CACNA1E: variants seen among roughly 807,000 people sequenced by gnomAD.
The protein encoded by CACNA1E is voltage-dependent R-type calcium channel subunit alpha-1E.
A neutral mutation model predicts 259.2 loss-of-function variants in CACNA1E; 40 were observed. The ratio of observed to expected loss-of-function variants is 0.15; its 90% CI spans 0.12 to 0.20. The LOEUF is 0.20. CACNA1E is among the 10% of genes least tolerant of loss of function. The pLI is 1.00. For synonymous variants in CACNA1E, 1,104 were observed against 1,138.5 expected (o/e 0.97, Z 0.61); for missense variants, 1,874 against 3,040.1 (o/e 0.62, Z 9.02).
At chr1:181,654,410 G>A (rs1659021265) in intron 7 of CACNA1E, among the ~76,000 whole-genome samples, 2 of 152,072 alleles carry the variant, frequency 1.3e-5, no homozygotes, top group Admixed American at 6.5e-5. Flanking sequence ...TCTATAAAAA[G>A]AACAGAGACA....
At chr1:181,623,111 A>T (rs141123785) in intron 6 of CACNA1E, among the ~76,000 whole-genome samples, 59 of 152,316 alleles carry the variant, frequency 3.9e-4, no homozygotes, top group Middle Eastern at 3.4e-3. Context: ...CATTCAACAA[A>T]CATTCCCCAA....
At chr1:181,465,715 C>G (rs1001019894) in intron 2 of CACNA1E, among the ~76,000 whole-genome samples, 1 of 151,836 alleles carries the variant, frequency 6.6e-6, no homozygotes, top group Non-Finnish European at 1.5e-5. Context: ...TCATTGCATT[C>G]TATTATTTTA....
intron 6 of CACNA1E, among the ~76,000 whole-genome samples, chr1:181,591,335 C>A (rs1179575811): frequency 6.6e-6 from 1 of 152,198 alleles, no homozygotes; most frequent in African/African-American, 2.4e-5. Context: ...CAGGCCCCAG[C>A]TTGTTTGCTT....
intron 2 of CACNA1E, among the ~76,000 whole-genome samples, chr1:181,415,061 C>T (rs1480693420): frequency 1.3e-5 from 2 of 152,176 alleles, no homozygotes; most frequent in Non-Finnish European, 2.9e-5. Context: ...CCTTTAAATA[C>T]AATGCAGCTC....
At chr1:181,613,632 G>A (rs1218691996) in intron 6 of CACNA1E, among the ~76,000 whole-genome samples, 1 of 152,154 alleles carries the variant, frequency 6.6e-6, no homozygotes, top group Non-Finnish European at 1.5e-5. Context: ...AGGCTTGGGG[G>A]TTAGCAACTT....
chr1:181,612,330 T>G (rs1654824891), intron 6 of CACNA1E, among the ~76,000 whole-genome samples: 1 of 152,238 alleles, frequency 6.6e-6, no homozygotes, highest in South Asian at 2.1e-4. Context: ...CATCTTCCAA[T>G]CACAAATTGA....
chr1:181,701,490 C>G lies in CACNA1E; in HGVS notation c.1056-9464C>G, dbSNP rs3766993. ...TGAAATATTGTGACTGAAACATACACTGTTATATGCAGAGACAGAGAGAAA... is the reference window on the plus strand; with the variant it reads ...TGAAATATTGTGACTGAAACATACAGTGTTATATGCAGAGACAGAGAGAAA... On this transcript the variant is annotated intron_variant, in intron 7 of 47. Coordinates refer to ENST00000367573, the MANE Select transcript of CACNA1E (RefSeq NM_001205293.3). 1.7e-3 allele frequency among the ~76,000 whole-genome samples: 261 copies of G among 152,266 alleles called. 3 individuals are homozygous for G. The East Asian group carries it at 0.038, about 22-fold the overall frequency.
At chr1:181,370,049 T>A (rs982597817) in intron 1 of CACNA1E, among the ~76,000 whole-genome samples, 11 of 152,038 alleles carry the variant, frequency 7.2e-5, no homozygotes, top group Non-Finnish European at 1.5e-4. Context: ...AGTTGAGAAT[T>A]TTAATTTTTC....
At chr1:181,656,587 A>G (rs1226740378) in intron 7 of CACNA1E, among the ~76,000 whole-genome samples, 1 of 152,192 alleles carries the variant, frequency 6.6e-6, no homozygotes, top group Non-Finnish European at 1.5e-5. Context: ...ATTTATTGAA[A>G]TAAAAATGTT....
intron 1 of CACNA1E, among the ~76,000 whole-genome samples, chr1:181,338,245 C>G (rs1472123246): frequency 3.3e-5 from 5 of 152,138 alleles, no homozygotes; most frequent in Non-Finnish European, 7.4e-5. Flanking sequence ...GCCACTATAC[C>G]TGGCTAATTT....
rs1013019202 is a variant in CACNA1E at position 181,802,129 on chromosome 1, A to T, written c.*3295A>T. 2 of 152,238 alleles carry T rather than the reference A, an allele frequency of 1.3e-5. No individual in the cohort carries two copies. Among genetic ancestry groups the T allele is most frequent in the Non-Finnish European group, 2.9e-5 (2 of 68,036 alleles). The allele number at this position is 152,238 out of a possible 1,614,324, so 9.4% of individuals were successfully genotyped here. ...GGTGCCCCTGAGCCAGGGTCAACAT[A>T]GAATTTCCTGCCCCGTGAAGGGCTG... is the stretch of plus-strand genomic sequence containing the variant. On this transcript the variant is annotated 3_prime_UTR_variant, in exon 48 of 48. Transcript: ENST00000367573.
At chr1:181,651,000 C>T (rs960332926) in intron 6 of CACNA1E, among the ~76,000 whole-genome samples, 1 of 152,204 alleles carries the variant, frequency 6.6e-6, no homozygotes, top group African/African-American at 2.4e-5. Context: ...TGTGCAGAGG[C>T]TTAGAACCCA....
chr1:181,448,487 T>G (rs1660940510), intron 2 of CACNA1E, among the ~76,000 whole-genome samples: 2 of 152,202 alleles, frequency 1.3e-5, no homozygotes, highest in African/African-American at 4.8e-5. Context: ...CACATCATAT[T>G]TTTTCTCCTG....
chr1:181,656,221 G>T (rs1659194995), intron 7 of CACNA1E, among the ~76,000 whole-genome samples: 1 of 152,072 alleles, frequency 6.6e-6, no homozygotes, highest in Non-Finnish European at 1.5e-5. Context: ...TCCTCAGGAG[G>T]TATTCCAGAG....
At chr1:181,644,197 G>A (rs1316163047) in intron 6 of CACNA1E, among the ~76,000 whole-genome samples, 1 of 151,762 alleles carries the variant, frequency 6.6e-6, no homozygotes, top group East Asian at 1.9e-4. Context: ...AATAGTATGG[G>A]TAGGATTGCT....
intron 1 of CACNA1E, among the ~76,000 whole-genome samples, chr1:181,334,136 C>G (rs1169837721): frequency 1.3e-5 from 2 of 152,192 alleles, no homozygotes; most frequent in Non-Finnish European, 2.9e-5. Context: ...GCAGTCAACT[C>G]TCAGTTTTCA....
intron 6 of CACNA1E, among the ~76,000 whole-genome samples, chr1:181,643,096 T>C (rs1260447908): frequency 1.3e-5 from 2 of 152,218 alleles, no homozygotes; most frequent in Admixed American, 1.3e-4. Flanking sequence ...CCCAGAACTA[T>C]TTAAATAAAC....
At chr1:181,764,739 G>A (rs1312644561) in intron 34 of CACNA1E, among the ~76,000 whole-genome samples, 4 of 152,260 alleles carry the variant, frequency 2.6e-5, no homozygotes, top group Admixed American at 6.5e-5. Flanking sequence ...CTGAGTCTCA[G>A]GTGATTTTGG....
chr1:181,503,703 T>A (rs1460038824), intron 1 of CACNA1E, among the ~76,000 whole-genome samples: 1 of 152,196 alleles, frequency 6.6e-6, no homozygotes, highest in Admixed American at 6.5e-5. Flanking sequence ...TGTGCAACAC[T>A]TTACAGTTTT....
Sources: gnomAD v4.1 joint callset for allele counts (sites outside exome capture counted in the v4.1 genomes callset) on GRCh38, gnomAD v4.1.1 for gene constraint, MANE v1.5 for transcripts, NCBI Gene and HGNC (gene_info 2026-07-23, HGNC 2026-07-21) for gene names.